COL11A1: variants seen among roughly 807,000 people sequenced by gnomAD.
COL11A1 encodes collagen type XI alpha 1 chain, also known as collagen alpha-1(XI) chain.
Under a neutral mutation model 265.2 loss-of-function variants are expected in COL11A1, and 74 were observed. That is an observed-to-expected ratio of 0.28 (90% CI 0.23 to 0.34). The LOEUF (loss-of-function observed/expected upper bound fraction) is 0.34, where lower values mean the gene tolerates loss of function less well. Ranked by LOEUF, COL11A1 falls within the 10% of genes least tolerant of loss-of-function variation. The pLI, the probability that COL11A1 is intolerant of heterozygous loss-of-function variation, is 1.00. For synonymous variants in COL11A1, 816 were observed against 727.6 expected, an observed-to-expected ratio of 1.12 and a Z score of -1.96; for missense variants, 2,165 against 2,263.6, an observed-to-expected ratio of 0.96 and a Z score of 0.88.
chr1:102,912,178 G>C lies in COL11A1; in HGVS notation c.4067C>G (p.Pro1356Arg), dbSNP rs986400534. 15 of 1,611,406 alleles carry C rather than the reference G, an allele frequency of 9.3e-6. No homozygotes were observed. Among genetic ancestry groups the C allele is most frequent in the Admixed American group, 8.4e-5 (5 of 59,672 alleles). ...ACTTACTCGTTTTCCAGGAGGACCT[G>C]GTGGGCCAGCCTCACCAGATGGGCC... ...PPGPSGEAGP[P>R]GPPGKRGPPG... Residue 1356 changes from proline to arginine, a missense_variant, in exon 54 of 67, where the codon CCA becomes CGA. Pro to Arg is a moderately radical substitution (Grantham distance 103). Transcript: ENST00000370096.
At chr1:102,987,523 T>A in intron 30 of COL11A1, 110 bp downstream of exon 30, 2 of 823,184 alleles carry the variant, frequency 2.4e-6, no homozygotes, top group Non-Finnish European at 4.2e-6. Context: ...AAACATTTTA[T>A]CTTTAATGTA....
intron 24 of COL11A1, chr1:103,001,004 T>C (rs1194313987): frequency 2.6e-6 from 1 of 392,114 alleles, no homozygotes; most frequent in Non-Finnish European, 4.5e-6. Flanking sequence ...AAAGGTCACA[T>C]ACACATTCAT....
chr1:102,983,531 AC>A lies in COL11A1; in HGVS notation c.2556+606del, dbSNP rs1663239003. On this transcript the variant is annotated intron_variant, in intron 31 of 66. Coordinates refer to ENST00000370096, the MANE Select transcript of COL11A1 (RefSeq NM_001854.4). ...GAACAGAGATTGGAGTCATGAAGTCACAAGCCAAGGAATGCCTGGGGCCACC... is the reference window on the plus strand; with the variant it reads ...GAACAGAGATTGGAGTCATGAAGTCAAAGCCAAGGAATGCCTGGGGCCACC... Among the ~76,000 whole-genome samples, 4 of 152,184 alleles carry A rather than the reference AC, an allele frequency of 2.6e-5. No homozygotes were observed. The South Asian group carries it at 8.3e-4, about 32-fold the overall frequency.
intron 4 of COL11A1, among the ~76,000 whole-genome samples, chr1:103,059,828 G>C (rs1294979590): frequency 6.6e-6 from 1 of 151,790 alleles, no homozygotes; most frequent in Non-Finnish European, 1.5e-5. Context: ...TAAAAGCAAA[G>C]AGAAAAAAAG....
chr1:102,928,472 T>G (rs1401154519), intron 46 of COL11A1, among the ~76,000 whole-genome samples: 7 of 152,182 alleles, frequency 4.6e-5, no homozygotes, highest in South Asian at 2.1e-4. Flanking sequence ...GGTGTATATG[T>G]GCCACATTTT....
intron 44 of COL11A1, 35 bp from the exon 45 acceptor site, chr1:102,935,148 G>T: frequency 6.4e-7 from 1 of 1,561,878 alleles, no homozygotes; most frequent in African/African-American, 1.4e-5. Context: ...TTTTTAAAGT[G>T]AAGCCAGAAG....
chr1:102,976,951 G>C (rs1662551249), intron 35 of COL11A1, among the ~76,000 whole-genome samples: 1 of 151,508 alleles, frequency 6.6e-6, no homozygotes, highest in African/African-American at 2.4e-5. Flanking sequence ...TGATTATGAG[G>C]GATTACATTT....
intron 49 of COL11A1, among the ~76,000 whole-genome samples, chr1:102,917,319 C>T (rs1655454734): frequency 6.6e-6 from 1 of 151,858 alleles, no homozygotes; most frequent in Admixed American, 6.6e-5. Flanking sequence ...TATCTCTTAC[C>T]ATATACAAAA....
chr1:103,108,127 T>C lies in COL11A1; in HGVS notation c.52A>G (p.Thr18Ala), dbSNP rs114630202. The C allele has an allele frequency of 6.2e-7, 1 of 1,613,752 alleles. No homozygotes were observed. Among genetic ancestry groups the C allele is most frequent in the South Asian group, 1.1e-5 (1 of 91,050 alleles). ...WKTKRWLWDFTVTTLALTFLF... is the reference protein window; with the variant it reads ...WKTKRWLWDFAVTTLALTFLF... ...AAGGTCAATGCGAGGGTTGTTACGGTGAAATCCCAGAGCCACCGTTTCGTT... is the reference window on the plus strand; with the variant it reads ...AAGGTCAATGCGAGGGTTGTTACGGCGAAATCCCAGAGCCACCGTTTCGTT... The change falls in exon 1 of 67, where the codon ACC (threonine) becomes GCC (alanine). Residue 18 changes from threonine to alanine, a missense_variant. By Grantham distance (58) the Thr-to-Ala change is moderately conservative. Coordinates refer to ENST00000370096, the MANE Select transcript of COL11A1 (RefSeq NM_001854.4).
chr1:102,914,410 A>G lies in COL11A1; in HGVS notation c.3925-5T>C. ...TCCAGGAAAACCAACAGGACCCTAGAATGACGTTTTGAAAGAAAAAGAAAT... is the reference window on the plus strand; with the variant it reads ...TCCAGGAAAACCAACAGGACCCTAGGATGACGTTTTGAAAGAAAAAGAAAT... On this transcript the variant is annotated splice_polypyrimidine_tract_variant and splice_region_variant and intron_variant, in intron 51 of 66. Transcript: ENST00000370096. 6.2e-7 allele frequency: 1 copy of G among 1,604,046 alleles called. No homozygotes were observed. The highest frequency in any genetic ancestry group is 1.1e-5 in the South Asian group (1 of 88,586).
intron 58 of COL11A1, among the ~76,000 whole-genome samples, chr1:102,889,795 T>C (rs901796072): frequency 6.6e-6 from 1 of 152,092 alleles, no homozygotes; most frequent in Non-Finnish European, 1.5e-5. Context: ...ATTGGAAATA[T>C]TACAAAACAA....
intron 56 of COL11A1, 97 bp from the exon 57 acceptor site, chr1:102,898,275 G>A (rs1336722850): frequency 5.7e-6 from 3 of 529,698 alleles, no homozygotes; most frequent in Non-Finnish European, 8.3e-6. Flanking sequence ...GAAAACAAAG[G>A]AAATATCACC....
chr1:102,981,048 C>T (rs1266816205), intron 31 of COL11A1, among the ~76,000 whole-genome samples: 2 of 152,114 alleles, frequency 1.3e-5, no homozygotes, highest in Admixed American at 1.3e-4. Flanking sequence ...CTACATGATG[C>T]TATTAAAGCA....
rs1011726536 is a variant in COL11A1, at chr1:102,876,646, T to G, written c.*1373A>C. 1 of 152,514 alleles carries G rather than the reference T, an allele frequency of 6.6e-6. No individual in the cohort carries two copies. Among genetic ancestry groups the G allele is most frequent in the Non-Finnish European group, 1.5e-5 (1 of 67,922 alleles). 9.4% of individuals were successfully genotyped at this position (152,514 alleles called of 1,614,324 possible). On this transcript the variant is annotated 3_prime_UTR_variant, in exon 67 of 67. Transcript: ENST00000370096. Reference sequence around the variant, plus strand: ...ATCAGTTGAAACTGTTCCAGTGAAATCTGGTATCAATTAATTTAACACTTT... The same window carrying G: ...ATCAGTTGAAACTGTTCCAGTGAAAGCTGGTATCAATTAATTTAACACTTT...
chr1:103,028,226 G>T (rs990132883), intron 5 of COL11A1, among the ~76,000 whole-genome samples: 2 of 151,898 alleles, frequency 1.3e-5, no homozygotes, highest in Admixed American at 1.3e-4. Flanking sequence ...TAGAGAGAGG[G>T]TTTCACCAAG....
chr1:103,001,976 T>TA lies in COL11A1; in HGVS notation c.2098-8dup, dbSNP rs1273722284. Reference sequence around the variant, plus strand: ...CTTGTGGACCAGGAAGACCCTATTTTAAAAGAATTTATTTCATATATCAGA... The same window carrying TA: ...CTTGTGGACCAGGAAGACCCTATTTTAAAAAGAATTTATTTCATATATCAGA... On this transcript the variant is annotated splice_polypyrimidine_tract_variant and splice_region_variant and intron_variant, in intron 23 of 66. Transcript: ENST00000370096. 1 of 1,610,408 alleles carries TA rather than the reference T, an allele frequency of 6.2e-7. No individual in the cohort carries two copies. The highest frequency in any genetic ancestry group is 8.5e-7 in the Non-Finnish European group (1 of 1,176,856).
At chr1:102,987,766 T>C (rs192726197) in intron 29 of COL11A1, 26 bp from the exon 30 acceptor site, 78 of 1,545,470 alleles carry the variant, frequency 5.0e-5, no homozygotes, top group Non-Finnish European at 6.8e-5. Context: ...ACAACATTCT[T>C]ATGAGTGAAA....
At chr1:102,889,742 C>T (rs1405378992) in intron 58 of COL11A1, among the ~76,000 whole-genome samples, 180 bp from the exon 59 acceptor site, 1 of 152,086 alleles carries the variant, frequency 6.6e-6, no homozygotes, top group Non-Finnish European at 1.5e-5. Flanking sequence ...CATCACCTAA[C>T]TGGATCTTTT....
intron 28 of COL11A1, among the ~76,000 whole-genome samples, 189 bp from the exon 29 acceptor site, chr1:102,989,760 A>G (rs1032870233): frequency 6.6e-6 from 1 of 152,110 alleles, no homozygotes; most frequent in African/African-American, 2.4e-5. Context: ...ATATCATCTC[A>G]TATTTTCACA....
Sources: allele counts gnomAD v4.1 joint callset (sites outside exome capture counted in the v4.1 genomes callset), GRCh38; gene constraint gnomAD v4.1.1; transcripts MANE v1.5; gene names NCBI Gene and HGNC (gene_info 2026-07-23, HGNC 2026-07-21).